Variants in ATP10B observed in about 807,000 individuals in gnomAD.
The protein encoded by ATP10B is phospholipid-transporting ATPase VB.
ATP10B carries 122 observed loss-of-function variants against 141.2 expected under a neutral mutation model. The observed-to-expected ratio is 0.86, with a 90% CI of 0.75 to 1.00. The LOEUF (loss-of-function observed/expected upper bound fraction) is 1.00. Among genes scored for constraint, ATP10B ranks in the 50% least tolerant of loss-of-function variants. ATP10B has a pLI of 0.00. For missense variants in ATP10B, 1,876 were observed against 1,825.3 expected (o/e 1.03, Z -0.51); for synonymous variants, 685 against 692.0 (o/e 0.99, Z 0.16).
At chr5:160,621,202 C>T (rs1449939288) in intron 14 of ATP10B, among the ~76,000 whole-genome samples, 2 of 152,214 alleles carry the variant, frequency 1.3e-5, no homozygotes, top group African/African-American at 4.8e-5. Flanking sequence ...CCTGAACTCT[C>T]ACTATAAATG....
chr5:160,864,489 A>G, the ATP10B span, among the ~76,000 whole-genome samples: 1 of 152,086 alleles, frequency 6.6e-6, no homozygotes, highest in Non-Finnish European at 1.5e-5. Flanking sequence ...GAATGAGGAA[A>G]AGTTGAAAGC....
At chr5:160,858,637 A>G in the ATP10B span, among the ~76,000 whole-genome samples, 10 of 151,872 alleles carry the variant, frequency 6.6e-5, no homozygotes, top group African/African-American at 2.2e-4. Flanking sequence ...GACTAAGATT[A>G]CCATTTTGTC....
intron 2 of ATP10B, among the ~76,000 whole-genome samples, chr5:160,747,754 G>T (rs1467652196): frequency 6.6e-6 from 1 of 152,196 alleles, no homozygotes; most frequent in East Asian, 1.9e-4. Context: ...CATCTGGTTT[G>T]TGGTACTTTG....
chr5:160,680,044 A>G (rs572440221), intron 6 of ATP10B, among the ~76,000 whole-genome samples: 1 of 152,306 alleles, frequency 6.6e-6, no homozygotes, highest in South Asian at 2.1e-4. Flanking sequence ...TTAAAAGAAA[A>G]TGCTCTAACG....
intron 2 of ATP10B, among the ~76,000 whole-genome samples, chr5:160,784,616 G>A (rs1204730373): frequency 6.6e-6 from 1 of 152,160 alleles, no homozygotes; most frequent in Non-Finnish European, 1.5e-5. Flanking sequence ...TGGAGAAACA[G>A]TCTGCATATG....
At chr5:160,716,597 A>C (rs1765675467) in intron 3 of ATP10B, among the ~76,000 whole-genome samples, 1 of 152,250 alleles carries the variant, frequency 6.6e-6, no homozygotes, top group African/African-American at 2.4e-5. Flanking sequence ...GGAAGACGAT[A>C]CATATGAGTC....
Position 160,842,726 on chromosome 5 carries a change from G to A in ATP10B, c.-576+9215C>T, listed in dbSNP as rs138942154. 6.0e-3 allele frequency among the ~76,000 whole-genome samples: 916 copies of A among 151,738 alleles called. 13 individuals carry two copies. Among genetic ancestry groups the A allele is most frequent in the African/African-American group, 0.021 (872 of 41,408 alleles). ...TAGGATATAGCCCTAGAAAAATAAAGCCTCTTTTTTATAAGAAGAAACAGA... is the reference window on the plus strand; with the variant it reads ...TAGGATATAGCCCTAGAAAAATAAAACCTCTTTTTTATAAGAAGAAACAGA... On this transcript the variant is annotated intron_variant, in intron 1 of 25. Coordinates refer to ENST00000327245, the MANE Select transcript of ATP10B (RefSeq NM_025153.3).
upstream of ATP10B, among the ~76,000 whole-genome samples, chr5:160,857,054 G>T (rs6865604): frequency 4.0e-5 from 6 of 151,474 alleles, no homozygotes; most frequent in Non-Finnish European, 7.4e-5. Flanking sequence ...TTTGATATCA[G>T]GGTAATACCA....
chr5:160,917,267 TTC>T, the ATP10B span, among the ~76,000 whole-genome samples: 1 of 99,418 alleles, frequency 1.0e-5, no homozygotes, highest in Admixed American at 9.4e-5. Flanking sequence ...TCTAGGGTAC[TTC>T]TTTTTTTTTT....
intron 21 of ATP10B, 38 bp from the exon 22 acceptor site, chr5:160,599,008 A>G (rs1756924332): frequency 1.2e-6 from 2 of 1,603,620 alleles, no homozygotes; most frequent in African/African-American, 1.3e-5. Context: ...GTGGGGCTCC[A>G]TGTGCAGCCG....
At chr5:160,873,624 G>A in the ATP10B span, among the ~76,000 whole-genome samples, 2 of 152,276 alleles carry the variant, frequency 1.3e-5, no homozygotes, top group Admixed American at 6.5e-5. Context: ...CTGAGGTACC[G>A]GGTTCATCTC....
intron 1 of ATP10B, among the ~76,000 whole-genome samples, chr5:160,827,546 C>G (rs1774709925): frequency 2.6e-5 from 4 of 152,052 alleles, no homozygotes; most frequent in African/African-American, 9.7e-5. Flanking sequence ...GATATTAGAC[C>G]TTTGTCAGAT....
intron 2 of ATP10B, among the ~76,000 whole-genome samples, chr5:160,725,198 T>C (rs1464260861): frequency 6.6e-6 from 1 of 152,186 alleles, no homozygotes; most frequent in African/African-American, 2.4e-5. Context: ...GAAAGGAGGA[T>C]ATACTTACAG....
chr5:160,825,157 A>G (rs1241382331), intron 1 of ATP10B, among the ~76,000 whole-genome samples: 3 of 152,254 alleles, frequency 2.0e-5, no homozygotes, highest in South Asian at 2.1e-4. Flanking sequence ...ACTGTCCTAC[A>G]TATTTCCTGT....
chr5:160,738,241 A>G (rs1377587316), intron 2 of ATP10B, among the ~76,000 whole-genome samples: 3 of 152,172 alleles, frequency 2.0e-5, no homozygotes, highest in Admixed American at 6.5e-5. Flanking sequence ...GATAATTAAA[A>G]TAAACATCAA....
the ATP10B span, among the ~76,000 whole-genome samples, chr5:160,901,943 C>G: frequency 6.6e-6 from 1 of 152,166 alleles, no homozygotes; most frequent in Admixed American, 6.5e-5. Flanking sequence ...TTCCTACATT[C>G]TGCTGTTGAG....
intron 24 of ATP10B, 26 bp downstream of exon 24, chr5:160,589,566 A>G: frequency 1.3e-6 from 2 of 1,577,032 alleles, no homozygotes; most frequent in Non-Finnish European, 1.7e-6. Context: ...ACAGTTTTGA[A>G]GCCAAAGGGG....
chr5:160,870,258 TAG>T, the ATP10B span, among the ~76,000 whole-genome samples: 3 of 152,288 alleles, frequency 2.0e-5, no homozygotes, highest in South Asian at 4.1e-4. Flanking sequence ...CACAGGACTA[TAG>T]AGTGTTTCTC....
intron 3 of ATP10B, among the ~76,000 whole-genome samples, chr5:160,704,735 T>A (rs1479710066): frequency 1.3e-5 from 2 of 152,128 alleles, no homozygotes; most frequent in Non-Finnish European, 2.9e-5. Flanking sequence ...CTAAAAATCA[T>A]TGTTTAGCGC....
Sources: gnomAD v4.1 joint callset for allele counts (sites outside exome capture counted in the v4.1 genomes callset) on GRCh38, gnomAD v4.1.1 for gene constraint, MANE v1.5 for transcripts, NCBI Gene and HGNC (gene_info 2026-07-23, HGNC 2026-07-21) for gene names.